Variants in APLF observed in about 807,000 individuals in gnomAD.
The protein encoded by APLF is aprataxin and PNK-like factor.
APLF carries 61 observed loss-of-function variants against 55.6 expected under a neutral mutation model. The ratio of observed to expected loss-of-function variants is 1.10; its 90% CI spans 0.89 to 1.36. The LOEUF (loss-of-function observed/expected upper bound fraction) is 1.36, where lower values mean the gene tolerates loss of function less well. Ranked by LOEUF, APLF falls within the 40% of genes most tolerant of loss-of-function variation. The probability of loss-of-function intolerance (pLI) is 0.00; values close to 1 mark genes in which losing one functional copy is unlikely to be tolerated. For missense variants in APLF, 611 were observed against 602.5 expected, an observed-to-expected ratio of 1.01 and a Z score of -0.15; for synonymous variants, 207 against 214.8, an observed-to-expected ratio of 0.96 and a Z score of 0.32.
intron 2 of APLF, among the ~76,000 whole-genome samples, chr2:68,500,624 G>A (rs901179580): frequency 6.6e-6 from 1 of 152,202 alleles, no homozygotes; most frequent in Non-Finnish European, 1.5e-5. Flanking sequence ...TGAATGAGAA[G>A]AACATGGTCT....
At chr2:68,512,896 T>A (rs1669430885) in intron 3 of APLF, among the ~76,000 whole-genome samples, 184 bp from the exon 4 acceptor site, 1 of 151,750 alleles carries the variant, frequency 6.6e-6, no homozygotes, top group African/African-American at 2.4e-5. Flanking sequence ...ATTGATGTAT[T>A]TTATGGCAAT....
chr2:68,572,132 A>T (rs936979363), intron 9 of APLF, among the ~76,000 whole-genome samples: 9 of 145,362 alleles, frequency 6.2e-5, no homozygotes, highest in Admixed American at 4.0e-4. Flanking sequence ...ATGAAATTCT[A>T]TAAACTGCTG....
Position 68,545,416 on chromosome 2 carries a change from A to T in APLF, c.1286+104A>T, listed in dbSNP as rs1670678558. On this transcript the variant is annotated intron_variant, in intron 8 of 9. Coordinates refer to ENST00000303795, the MANE Select transcript of APLF (RefSeq NM_173545.3). ...TGTTATCTCAAGCCTTTTAATTTTC[A>T]TTTTTAAACTTCTGTAGATTACAGG... 9 of 1,362,348 alleles carry T rather than the reference A, an allele frequency of 6.6e-6. 1 individual carries two copies. The South Asian group carries it at 1.7e-4, about 25-fold the overall frequency. The allele number at this position is 1,362,348 out of a possible 1,614,324, so 84.4% of individuals were successfully genotyped here.
intron 9 of APLF, among the ~76,000 whole-genome samples, chr2:68,573,333 G>A (rs903834292): frequency 6.6e-5 from 10 of 152,118 alleles, no homozygotes; most frequent in African/African-American, 2.4e-4. Context: ...GAACTCTGGA[G>A]TTAGAAATAT....
At chr2:68,468,698 AT>A (rs1401018560) in intron 1 of APLF, among the ~76,000 whole-genome samples, 13 of 152,226 alleles carry the variant, frequency 8.5e-5, no homozygotes, top group African/African-American at 3.1e-4. Flanking sequence ...GTTCTTTAAC[AT>A]TCAACATTTC....
intron 4 of APLF, 149 bp from the exon 5 acceptor site, chr2:68,513,399 T>C: frequency 3.3e-6 from 4 of 1,217,144 alleles, no homozygotes; most frequent in Non-Finnish European, 4.6e-6. Context: ...GTTAAACTAA[T>C]AGAAATAATT....
intron 3 of APLF, 127 bp downstream of exon 3, chr2:68,503,030 G>A: frequency 2.1e-6 from 2 of 931,700 alleles, no homozygotes; most frequent in East Asian, 2.8e-5. Flanking sequence ...TAATGTGTGT[G>A]TACGCATGTG....
intron 8 of APLF, among the ~76,000 whole-genome samples, chr2:68,556,991 T>C (rs1431702287): frequency 6.6e-6 from 1 of 152,208 alleles, no homozygotes; most frequent in Non-Finnish European, 1.5e-5. Context: ...GATCCTGATA[T>C]GATCTAAAAT....
intron 8 of APLF, among the ~76,000 whole-genome samples, chr2:68,548,045 TA>T (rs1670752409): frequency 6.6e-6 from 1 of 151,834 alleles, no homozygotes; most frequent in Non-Finnish European, 1.5e-5. Context: ...AAGGTAAGTT[TA>T]GATAACTCAA....
intron 5 of APLF, among the ~76,000 whole-genome samples, chr2:68,518,559 A>T (rs1669742505): frequency 8.3e-6 from 1 of 121,034 alleles, no homozygotes; most frequent in Non-Finnish European, 1.6e-5. Flanking sequence ...TCAATAATGT[A>T]TCATGAATAT....
intron 8 of APLF, among the ~76,000 whole-genome samples, chr2:68,551,976 C>T (rs987085956): frequency 6.6e-6 from 1 of 152,066 alleles, no homozygotes. Context: ...TTTATTAAAA[C>T]TCAGTACACT....
At position 68,545,168 on chromosome 2, in the gene APLF, A is replaced by G. The variant is rs373279794; in HGVS notation, c.1161-19A>G. 47 of 1,608,568 alleles carry G rather than the reference A, an allele frequency of 2.9e-5. No individual in the cohort carries two copies. The highest frequency in any genetic ancestry group is 2.0e-4 in the African/African-American group (15 of 74,634). On this transcript the variant is annotated intron_variant, in intron 7 of 9. Transcript: ENST00000303795. ...TATCCTATTTTTTTTTTCTGACAGT[A>G]TATTTGTCGCCCTCCTAGGAAGAAT...
intron 5 of APLF, among the ~76,000 whole-genome samples, chr2:68,520,309 T>G (rs927867645): frequency 7.9e-5 from 12 of 152,098 alleles, no homozygotes; most frequent in African/African-American, 2.7e-4. Flanking sequence ...GCAGAAGCTT[T>G]TTAGTTTAAT....
intron 6 of APLF, chr2:68,528,822 T>C (rs1670158715): frequency 6.7e-7 from 1 of 1,500,252 alleles, no homozygotes; most frequent in Non-Finnish European, 9.0e-7. Context: ...TCTGTCAAGC[T>C]CTTGAGGTGG....
At chr2:68,565,783 C>G (rs1238024050) in intron 8 of APLF, among the ~76,000 whole-genome samples, 2 of 151,924 alleles carry the variant, frequency 1.3e-5, no homozygotes, top group Non-Finnish European at 2.9e-5. Flanking sequence ...GGTGAAAAAG[C>G]AGTTGGATAC....
At chr2:68,527,437 G>A (rs914792964) in intron 6 of APLF, among the ~76,000 whole-genome samples, 12 of 142,234 alleles carry the variant, frequency 8.4e-5, no homozygotes, top group African/African-American at 8.0e-5. Context: ...AGAGGTGCTC[G>A]TCACTTCCCA....
intron 9 of APLF, among the ~76,000 whole-genome samples, chr2:68,570,799 G>C (rs2104076305): frequency 6.6e-6 from 1 of 152,168 alleles, no homozygotes; most frequent in South Asian, 2.1e-4. Context: ...ATATTCCTTT[G>C]GGTATATACC....
chr2:68,478,025 C>G (rs1289695113), intron 1 of APLF, among the ~76,000 whole-genome samples: 1 of 151,846 alleles, frequency 6.6e-6, no homozygotes, highest in Non-Finnish European at 1.5e-5. Context: ...AAGGTGATGT[C>G]TCATGAGTCT....
At chr2:68,519,246 A>G (rs889935507) in intron 5 of APLF, among the ~76,000 whole-genome samples, 70 of 139,686 alleles carry the variant, frequency 5.0e-4, no homozygotes, top group African/African-American at 1.8e-3. Context: ...TATATATTAT[A>G]TATCATTTAT....
Sources: gnomAD v4.1 joint callset for allele counts (sites outside exome capture counted in the v4.1 genomes callset) on GRCh38, gnomAD v4.1.1 for gene constraint, MANE v1.5 for transcripts, NCBI Gene and HGNC (gene_info 2026-07-23, HGNC 2026-07-21) for gene names.